ARID4B: variants seen among roughly 807,000 people sequenced by gnomAD.
ARID4B encodes the protein AT-rich interaction domain 4B.
Under a neutral mutation model 147.5 loss-of-function variants are expected in ARID4B, and 26 were observed. That is an observed-to-expected ratio of 0.18 (90% CI 0.13 to 0.24). ARID4B has a LOEUF of 0.24. Ranked by LOEUF, ARID4B falls within the 10% of genes least tolerant of loss-of-function variation. ARID4B has a pLI of 1.00. For missense variants in ARID4B, 1,179 were observed against 1,511.5 expected, an observed-to-expected ratio of 0.78 and a Z score of 3.65; for synonymous variants, 512 against 507.9, an observed-to-expected ratio of 1.01 and a Z score of -0.11.
rs1380727891 is a variant in ARID4B at position 235,176,952 on chromosome 1, A to G, written c.3448+848T>C. ...TTTCTGCTTCTTACTTTGTCTACAAAAGAGAGATAAAATGTGCAGCCCTCA... is the reference window on the plus strand; with the variant it reads ...TTTCTGCTTCTTACTTTGTCTACAAGAGAGAGATAAAATGTGCAGCCCTCA... On this transcript the variant is annotated intron_variant, in intron 21 of 23. Coordinates refer to ENST00000264183, the MANE Select transcript of ARID4B (RefSeq NM_016374.6). The G allele has an allele frequency of 6.4e-6, 3 of 471,158 alleles. No individual in the cohort carries two copies. The Admixed American group carries it at 7.0e-5, about 11-fold the overall frequency. 29.2% of individuals were successfully genotyped at this position (471,158 alleles called of 1,614,324 possible).
At chr1:235,220,047 G>A (rs906293898) in intron 15 of ARID4B, 79 bp from the exon 16 acceptor site, 30 of 956,294 alleles carry the variant, frequency 3.1e-5, no homozygotes, top group Non-Finnish European at 4.3e-5. Context: ...CTTAGCAACA[G>A]GAGGTATCAA....
intron 2 of ARID4B, among the ~76,000 whole-genome samples, chr1:235,262,385 T>C (rs1638997473): frequency 6.6e-6 from 1 of 152,212 alleles, no homozygotes; most frequent in African/African-American, 2.4e-5. Flanking sequence ...AAAATCAACT[T>C]AGGAAAATGC....
chr1:235,179,704 CTCT>C (rs554980577), intron 20 of ARID4B, among the ~76,000 whole-genome samples: 2 of 146,070 alleles, frequency 1.4e-5, no homozygotes, highest in East Asian at 3.9e-4. Flanking sequence ...AGAAGATATC[CTCT>C]TTTTTTTTGT....
At chr1:235,258,798 T>C (rs1317093091) in intron 3 of ARID4B, among the ~76,000 whole-genome samples, 2 of 152,258 alleles carry the variant, frequency 1.3e-5, no homozygotes, top group African/African-American at 4.8e-5. Flanking sequence ...CATGTTTAGA[T>C]ATCTGTGCCC....
chr1:235,248,069 G>A (rs1303938898), intron 6 of ARID4B, among the ~76,000 whole-genome samples: 1 of 152,096 alleles, frequency 6.6e-6, no homozygotes, highest in Non-Finnish European at 1.5e-5. Flanking sequence ...TTTTTATTGA[G>A]ACAGAATGTC....
intron 17 of ARID4B, among the ~76,000 whole-genome samples, chr1:235,201,819 G>A (rs974169269): frequency 6.6e-6 from 1 of 151,910 alleles, no homozygotes; most frequent in Non-Finnish European, 1.5e-5. Context: ...AGAAGGCAGA[G>A]GTTGCAGTGA....
chr1:235,173,757 AAAAAAAAAAAAAAAATAT>A (rs1454259465), intron 22 of ARID4B, among the ~76,000 whole-genome samples: 6 of 48,600 alleles, frequency 1.2e-4, no homozygotes, highest in South Asian at 8.3e-4. Flanking sequence ...AAAAAAAAAA[AAAAAAAAAAAAAAAATAT>A]ATATATATAT....
chr1:235,196,761 A>G lies in ARID4B; in HGVS notation c.1842-646T>C, dbSNP rs562677618. The stretch of plus-strand genomic sequence containing the variant: ...CCAGCTACTCAGGAGGCTGAGGCAG[A>G]AGAATCGTGTGAACCCAGGAGCGGA... On this transcript the variant is annotated intron_variant, in intron 17 of 23. Coordinates refer to ENST00000264183, the MANE Select transcript of ARID4B (RefSeq NM_016374.6). Among the ~76,000 whole-genome samples the G allele has an allele frequency of 5.9e-5, 9 of 151,868 alleles. No homozygotes were observed. The South Asian group carries it at 1.5e-3, about 25-fold the overall frequency.
chr1:235,210,643 A>G (rs1666655941), intron 17 of ARID4B, among the ~76,000 whole-genome samples: 1 of 152,186 alleles, frequency 6.6e-6, no homozygotes, highest in African/African-American at 2.4e-5. Flanking sequence ...ATGATGTTGG[A>G]GTGTATAGAG....
At chr1:235,274,462 G>A (rs1476167786) in intron 2 of ARID4B, among the ~76,000 whole-genome samples, 1 of 152,092 alleles carries the variant, frequency 6.6e-6, no homozygotes, top group East Asian at 1.9e-4. Flanking sequence ...CTATCCAGAT[G>A]TACAAATGAC....
chr1:235,185,974 GC>G (rs1451259162), intron 19 of ARID4B, among the ~76,000 whole-genome samples: 1 of 130,310 alleles, frequency 7.7e-6, no homozygotes, highest in East Asian at 3.4e-4. Context: ...TTAGTTATTT[GC>G]TTTTTTTTTT....
At chr1:235,182,874 T>G in intron 19 of ARID4B, 81 bp from the exon 20 acceptor site, 1 of 1,401,212 alleles carries the variant, frequency 7.1e-7, no homozygotes, top group African/African-American at 1.4e-5. Context: ...CTGTATATAT[T>G]AGGTCCTGTG....
intron 7 of ARID4B, among the ~76,000 whole-genome samples, chr1:235,243,134 G>A (rs550597685): frequency 6.6e-6 from 1 of 151,724 alleles, no homozygotes; most frequent in South Asian, 2.1e-4. Flanking sequence ...ACAATGCTTG[G>A]CACAGTATAG....
chr1:235,208,110 C>T (rs751069494), intron 17 of ARID4B, among the ~76,000 whole-genome samples: 2 of 152,214 alleles, frequency 1.3e-5, no homozygotes, highest in East Asian at 1.9e-4. Flanking sequence ...TGGAAATGAG[C>T]GAGAAAATTC....
intron 17 of ARID4B, among the ~76,000 whole-genome samples, chr1:235,199,699 CAT>C (rs1375371880): frequency 5.9e-5 from 9 of 152,272 alleles, no homozygotes; most frequent in South Asian, 2.1e-4. Context: ...GAGAAAATAA[CAT>C]GTGAGAATTT....
intron 17 of ARID4B, among the ~76,000 whole-genome samples, chr1:235,207,764 T>C (rs988916720): frequency 2.0e-5 from 3 of 152,180 alleles, no homozygotes; most frequent in Non-Finnish European, 4.4e-5. Flanking sequence ...AAAAATAGGA[T>C]TGAGCCTACT....
At chr1:235,226,254 AG>A (rs1487848417) in intron 11 of ARID4B, among the ~76,000 whole-genome samples, 2 of 152,252 alleles carry the variant, frequency 1.3e-5, no homozygotes, top group Non-Finnish European at 2.9e-5. Flanking sequence ...AATACGAGTA[AG>A]ACAGCATTCC....
chr1:235,213,928 T>G lies in ARID4B; in HGVS notation c.1682A>C (p.Asn561Thr). ...EEEDEDDDDN[N>T]EEEEFECYPP... ...ATAGCACTCAAACTCCTCTTCCTCA[T>G]TGTTGTCATCATCATCTTCATCCTC... Residue 561 changes from asparagine to threonine, a missense_variant, in exon 17 of 24, where the codon AAT becomes ACT. This residue lies in a region of ARID4B where 204 missense variants were observed against 210.9 expected (regional missense o/e 0.97). Transcript: ENST00000264183. The G allele has an allele frequency of 6.2e-7, 1 of 1,613,538 alleles. No homozygotes were observed. Among genetic ancestry groups the G allele is most frequent in the Non-Finnish European group, 8.5e-7 (1 of 1,179,518 alleles).
chr1:235,267,932 C>A (rs886843535), intron 2 of ARID4B, among the ~76,000 whole-genome samples: 11 of 152,002 alleles, frequency 7.2e-5, no homozygotes, highest in African/African-American at 2.4e-4. Context: ...GAAAAGAAAA[C>A]CATGCAATAT....
Sources: gnomAD v4.1 joint callset for allele counts (sites outside exome capture counted in the v4.1 genomes callset) on GRCh38, gnomAD v4.1.1 for gene constraint, gnomAD v4.1.1 regional missense constraint, MANE v1.5 for transcripts, NCBI Gene and HGNC (gene_info 2026-07-23, HGNC 2026-07-21) for gene names.